The following TTBK2 variants were observed in gnomAD, a reference collection of about 807,000 sequenced individuals.
TTBK2 encodes tau tubulin kinase 2.
In TTBK2, 28 loss-of-function variants were observed where a neutral mutation model predicts 110.8. The observed-to-expected ratio is 0.25, with a 90% CI of 0.19 to 0.35. TTBK2 has a LOEUF of 0.35. Among genes scored for constraint, TTBK2 ranks in the 10% least tolerant of loss-of-function variants. TTBK2 has a pLI of 1.00. For synonymous variants in TTBK2, 532 were observed against 527.3 expected (o/e 1.01, Z -0.12); for missense variants, 1,369 against 1,500.3 (o/e 0.91, Z 1.45).
intron 14 of TTBK2, among the ~76,000 whole-genome samples, chr15:42,748,061 G>T (rs2061819258): frequency 6.6e-6 from 1 of 152,148 alleles, no homozygotes. Context: ...TCAGTTCCAT[G>T]AACACTAAAC....
Position 42,913,081 on chromosome 15 carries a change from C to T in TTBK2, c.-68+7357G>A, listed in dbSNP as rs575375729. 6.9e-5 allele frequency among the ~76,000 whole-genome samples: 10 copies of T among 144,638 alleles called. No homozygotes were observed. The East Asian group carries it at 1.9e-3, about 28-fold the overall frequency. The allele number at this position is 144,638 out of a possible 152,430, so 94.9% of individuals were successfully genotyped here. On this transcript the variant is annotated intron_variant, in intron 1 of 14. Coordinates refer to ENST00000267890, the MANE Select transcript of TTBK2 (RefSeq NM_173500.4). ...CGGAGCTTGCAGTGAGCCGAGATTG[C>T]GCCACTGCAGTCCTCAGTCCGACCT...
intron 1 of TTBK2, among the ~76,000 whole-genome samples, chr15:42,900,063 G>A (rs1424210649): frequency 2.0e-5 from 3 of 151,144 alleles, no homozygotes; most frequent in African/African-American, 4.9e-5. Flanking sequence ...GCATGATCTC[G>A]GCTCACTGCA....
In TTBK2 at chr15:42,746,127, G is replaced by C; in HGVS notation, c.3403C>G (p.His1135Asp). The C allele has an allele frequency of 6.2e-7, 1 of 1,614,156 alleles. No homozygotes were observed. The highest frequency in any genetic ancestry group is 8.5e-7 in the Non-Finnish European group (1 of 1,180,042). The change falls in exon 15 of 15, where the codon CAC becomes GAC. Residue 1135 changes from histidine (H) to aspartate (D), a missense_variant. Transcript: ENST00000267890. ...TTQCKSPGSP[H>D]NPKTPPKSPV... is the part of the protein sequence containing the mutation. ...CTCTTGGGTGGTGTTTTTGGATTGT[G>C]AGGAGATCCTGGACTCTTGCACTGA...
Position 42,752,647 on chromosome 15 carries a change from T to C in TTBK2, c.2599A>G (p.Ile867Val). ...TTTTGCATTTCTGCCACTTGGCCTA[T>C]CTGACCTTCAACATGTGGGTCAATG... ...RDIDPHVEGQ[I>V]GQVAEMQKNK... Residue 867 changes from isoleucine to valine, a missense_variant, in exon 14 of 15, where the codon ATA (isoleucine) becomes GTA (valine). Ile to Val is a conservative substitution (Grantham distance 29). Coordinates refer to ENST00000267890, the MANE Select transcript of TTBK2 (RefSeq NM_173500.4). 2 of 1,614,170 alleles carry C rather than the reference T, an allele frequency of 1.2e-6. No homozygotes were observed. The highest frequency in any genetic ancestry group is 1.7e-6 in the Non-Finnish European group (2 of 1,180,034).
intron 1 of TTBK2, among the ~76,000 whole-genome samples, chr15:42,901,612 C>T (rs555926779): frequency 6.9e-6 from 1 of 144,060 alleles, no homozygotes; most frequent in East Asian, 2.0e-4. Flanking sequence ...GAGACCTCGT[C>T]TCTAAAAAAA....
At chr15:42,808,911 C>G (rs1388749731) in intron 9 of TTBK2, among the ~76,000 whole-genome samples, 5 of 152,132 alleles carry the variant, frequency 3.3e-5, no homozygotes, top group African/African-American at 1.2e-4. Context: ...AAATCAAATT[C>G]AGGAATGAAT....
chr15:42,839,092 CCTT>C (rs1395025776), intron 4 of TTBK2, among the ~76,000 whole-genome samples: 1 of 152,162 alleles, frequency 6.6e-6, no homozygotes, highest in Admixed American at 6.5e-5. Flanking sequence ...CCCTCATCCT[CCTT>C]CTTTGCTCCA....
intron 9 of TTBK2, chr15:42,801,419 TC>T: frequency 9.4e-7 from 1 of 1,060,732 alleles, no homozygotes; most frequent in Non-Finnish European, 1.5e-6. Flanking sequence ...CGTGGCAGCC[TC>T]CAGGGAAGCC....
At chr15:42,765,295 A>G (rs535267801) in intron 13 of TTBK2, among the ~76,000 whole-genome samples, 1 of 152,368 alleles carries the variant, frequency 6.6e-6, no homozygotes, top group South Asian at 2.1e-4. Flanking sequence ...TAGGCTTCAG[A>G]AGGTCGCTAA....
chr15:42,834,842 A>G (rs1368506612), intron 4 of TTBK2, among the ~76,000 whole-genome samples: 2 of 152,184 alleles, frequency 1.3e-5, no homozygotes, highest in African/African-American at 2.4e-5. Flanking sequence ...GTGCCACTGC[A>G]CTCCAGACTG....
At chr15:42,845,280 T>TGGTATA (rs1893400510) in intron 3 of TTBK2, among the ~76,000 whole-genome samples, 1 of 152,076 alleles carries the variant, frequency 6.6e-6, no homozygotes, top group African/African-American at 2.4e-5. Context: ...TATGCCACTG[T>TGGTATA]GGTATACAGT....
At chr15:42,791,353 G>T (rs1303464149) in intron 10 of TTBK2, among the ~76,000 whole-genome samples, 1 of 152,062 alleles carries the variant, frequency 6.6e-6, no homozygotes, top group East Asian at 1.9e-4. Flanking sequence ...TCTACTATTT[G>T]GTTTCTCAGT....
intron 1 of TTBK2, among the ~76,000 whole-genome samples, chr15:42,890,690 GC>G (rs1289269535): frequency 6.6e-6 from 1 of 152,088 alleles, no homozygotes; most frequent in Admixed American, 6.6e-5. Flanking sequence ...TGATATGAAT[GC>G]CTTTGTTATG....
intron 10 of TTBK2, among the ~76,000 whole-genome samples, chr15:42,785,115 ATTTTTTTT>A (rs199963873): frequency 0.011 from 1,143 of 102,200 alleles, 19 homozygotes; most frequent in East Asian, 0.076. Flanking sequence ...TCACTTGCAG[ATTTTTTTT>A]TTTTTTTTTT....
At chr15:42,834,627 A>T (rs1250370146) in intron 4 of TTBK2, among the ~76,000 whole-genome samples, 2 of 152,172 alleles carry the variant, frequency 1.3e-5, no homozygotes, top group African/African-American at 4.8e-5. Context: ...TTTGAATATT[A>T]AAAAAACCGT....
chr15:42,857,952 A>G (rs1311412989), intron 3 of TTBK2, among the ~76,000 whole-genome samples: 1 of 152,052 alleles, frequency 6.6e-6, no homozygotes, highest in Non-Finnish European at 1.5e-5. Flanking sequence ...GCATGGTGGC[A>G]CATGCCTGTC....
intron 14 of TTBK2, among the ~76,000 whole-genome samples, chr15:42,750,248 A>G (rs1002586077): frequency 4.6e-5 from 7 of 152,212 alleles, no homozygotes; most frequent in Non-Finnish European, 8.8e-5. Flanking sequence ...CCAAGGAGAA[A>G]AAAATGTATC....
intron 1 of TTBK2, among the ~76,000 whole-genome samples, chr15:42,902,504 G>C (rs1167711441): frequency 1.3e-5 from 2 of 151,404 alleles, no homozygotes; most frequent in African/African-American, 4.9e-5. Flanking sequence ...TGGGCAAGAA[G>C]AGTGAAACTC....
At position 42,875,092 on chromosome 15, in the gene TTBK2, C is replaced by G. The variant is rs547740066; in HGVS notation, c.70-2334G>C. 2.0e-5 allele frequency among the ~76,000 whole-genome samples: 3 copies of G among 152,120 alleles called. No individual in the cohort carries two copies. The South Asian group carries it at 6.2e-4, about 32-fold the overall frequency. On this transcript the variant is annotated intron_variant, in intron 2 of 14. Coordinates refer to ENST00000267890, the MANE Select transcript of TTBK2 (RefSeq NM_173500.4). ...CAGTACCAAACAGATTCCTTTCTAACTAAGGACTGGTAGAGGTAGCTTCAC... is the reference window on the plus strand; with the variant it reads ...CAGTACCAAACAGATTCCTTTCTAAGTAAGGACTGGTAGAGGTAGCTTCAC...
Sources: gnomAD v4.1 joint callset for allele counts (sites outside exome capture counted in the v4.1 genomes callset) on GRCh38, gnomAD v4.1.1 for gene constraint, MANE v1.5 for transcripts, NCBI Gene and HGNC (gene_info 2026-07-23, HGNC 2026-07-21) for gene names.